ATXN7L1: variants seen among roughly 807,000 people sequenced by gnomAD.
ATXN7L1 encodes ataxin-7-like protein 1.
ATXN7L1 carries 15 observed loss-of-function variants against 70.8 expected under a neutral mutation model. That is an observed-to-expected ratio of 0.21 (90% CI 0.14 to 0.33). The LOEUF (loss-of-function observed/expected upper bound fraction) is 0.33, where lower values mean the gene tolerates loss of function less well. Ranked by LOEUF, ATXN7L1 falls within the 10% of genes least tolerant of loss-of-function variation. ATXN7L1 has a pLI of 1.00. For missense variants in ATXN7L1, 975 were observed against 1,097.1 expected, an observed-to-expected ratio of 0.89 and a Z score of 1.57; for synonymous variants, 440 against 445.1, an observed-to-expected ratio of 0.99 and a Z score of 0.14.
chr7:105,615,107 G>A (rs1372099861), intron 9 of ATXN7L1, among the ~76,000 whole-genome samples: 1 of 152,114 alleles, frequency 6.6e-6, no homozygotes, highest in East Asian at 1.9e-4. Flanking sequence ...AAAGGTCAAT[G>A]TTATTTAGAA....
intron 3 of ATXN7L1, among the ~76,000 whole-genome samples, chr7:105,751,813 C>T (rs540704042): frequency 9.1e-4 from 138 of 152,318 alleles, no homozygotes; most frequent in African/African-American, 3.2e-3. Flanking sequence ...CAGGTGTCCC[C>T]CTGGGGATGT....
At chr7:105,860,643 G>GTTATGAAGA (rs1312543998) in intron 2 of ATXN7L1, among the ~76,000 whole-genome samples, 7 of 152,130 alleles carry the variant, frequency 4.6e-5, no homozygotes, top group Non-Finnish European at 1.0e-4. Context: ...GGTGAAAAGA[G>GTTATGAAGA]TTATGAAGAT....
chr7:105,747,330 G>T (rs1197584016), intron 3 of ATXN7L1, among the ~76,000 whole-genome samples: 1 of 152,144 alleles, frequency 6.6e-6, no homozygotes, highest in Admixed American at 6.5e-5. Flanking sequence ...ACCCAAAAGG[G>T]TTCGGAGAAC....
intron 7 of ATXN7L1, among the ~76,000 whole-genome samples, chr7:105,627,841 GTTTTT>G (rs36028028): frequency 1.2e-5 from 1 of 86,452 alleles, no homozygotes; most frequent in South Asian, 4.3e-4. Flanking sequence ...CCTGTCTTTA[GTTTTT>G]TTTTTTTTTT....
chr7:105,876,386 C>T lies in ATXN7L1; in HGVS notation c.173G>A (p.Cys58Tyr). ...GGTGGTGGGGTTCTTACTGTCGGAG[C>T]AGTGTAATTTGGCGGCGTCGATCCA... ...SSWIDAAKLH[C>Y]SDNVDLEEAG... Residue 58 changes from cysteine (C) to tyrosine (Y), a missense_variant, in exon 1 of 12, where the codon TGC (cysteine) becomes TAC (tyrosine). Physicochemically the swap from Cys to Tyr is radical, Grantham distance 194 (BLOSUM62 -2). Around this residue, in one of 5 missense-constraint regions of ATXN7L1, gnomAD observed 135 missense variants for 132.6 expected, o/e 1.02. Coordinates refer to ENST00000419735, the MANE Select transcript of ATXN7L1 (RefSeq NM_020725.2). 2 of 1,606,466 alleles carry T rather than the reference C, an allele frequency of 1.2e-6. No homozygotes were observed. The highest frequency in any genetic ancestry group is 1.7e-6 in the Non-Finnish European group (2 of 1,176,092).
rs796172684 is a variant in ATXN7L1 at position 105,733,551 on chromosome 7, C to T, written c.355+55053G>A. ...CCATCCATCCATCCACCCATCCATC[C>T]ATCCACCCATCCATCCTTCCATCCA... On this transcript the variant is annotated intron_variant, in intron 3 of 11. Coordinates refer to ENST00000419735, the MANE Select transcript of ATXN7L1 (RefSeq NM_020725.2). Among the ~76,000 whole-genome samples the T allele has an allele frequency of 1.5e-4, 20 of 130,870 alleles. 1 individual carries two copies. The South Asian group carries it at 5.1e-3, about 33-fold the overall frequency. The allele number at this position is 130,870 out of a possible 152,430, so 85.9% of individuals were successfully genotyped here.
intron 9 of ATXN7L1, among the ~76,000 whole-genome samples, chr7:105,619,165 T>TTTTTTTTTTTTTA (rs869296716): frequency 7.1e-6 from 1 of 140,614 alleles, no homozygotes; most frequent in Non-Finnish European, 1.5e-5. Flanking sequence ...TTTTTTTTTT[T>TTTTTTTTTTTTTA]GAGACGGAGT....
At chr7:105,851,811 C>T (rs1406784756) in intron 2 of ATXN7L1, among the ~76,000 whole-genome samples, 3 of 152,186 alleles carry the variant, frequency 2.0e-5, no homozygotes, top group East Asian at 1.9e-4. Flanking sequence ...ACACAAAACA[C>T]GCCCTCACAC....
At chr7:105,742,972 T>A (rs1200986067) in intron 3 of ATXN7L1, among the ~76,000 whole-genome samples, 2 of 151,976 alleles carry the variant, frequency 1.3e-5, no homozygotes, top group South Asian at 2.1e-4. Flanking sequence ...CCAGTCCTTA[T>A]CTCCCCAGCC....
In ATXN7L1 at chr7:105,614,941, T is replaced by C; in HGVS notation, c.1518-125A>G. On this transcript the variant is annotated intron_variant, in intron 9 of 11. Coordinates refer to ENST00000419735, the MANE Select transcript of ATXN7L1 (RefSeq NM_020725.2). The surrounding 1 kb of genome is among the most constrained non-coding windows in gnomAD (Gnocchi z 4.3). ...CCCGGCAGAACCAGACTATGGAGAA[T>C]GGAGCCTTGAAGGATGGGAGAATCT... The C allele has an allele frequency of 8.5e-7, 1 of 1,176,840 alleles. No homozygotes were observed. Among genetic ancestry groups the C allele is most frequent in the South Asian group, 1.8e-5 (1 of 56,540 alleles). The allele number at this position is 1,176,840 out of a possible 1,614,324, so 72.9% of individuals were successfully genotyped here. A position where few individuals can be genotyped will look rare whatever the true frequency, so the allele number is the denominator to read the frequency against.
At chr7:105,823,794 A>T (rs572284787) in intron 2 of ATXN7L1, among the ~76,000 whole-genome samples, 1 of 152,308 alleles carries the variant, frequency 6.6e-6, no homozygotes, top group East Asian at 1.9e-4. Flanking sequence ...AGAGTGGAGG[A>T]AACAGTGATC....
In ATXN7L1 at chr7:105,614,333, C is replaced by T. The variant is rs746957168; in HGVS notation, c.2001G>A (p.Ser667=). 8.6e-5 allele frequency: 133 copies of T among 1,552,006 alleles called. No individual in the cohort carries two copies. Among genetic ancestry groups the T allele is most frequent in the Non-Finnish European group, 1.1e-4 (122 of 1,147,128 alleles). Residue 667 remains serine, a synonymous_variant, in exon 10 of 12, where the codon TCG becomes TCA. Transcript: ENST00000419735. This position sits in a 1 kb window ranked among gnomAD's most constrained non-coding sequence, Gnocchi z 4.3. ...TTTTGTGAGGCCCTGACAGTGGAGACGAGAGGGATGTCTGCAAGGAAGAGG... is the reference window on the plus strand; with the variant it reads ...TTTTGTGAGGCCCTGACAGTGGAGATGAGAGGGATGTCTGCAAGGAAGAGG... The part of the protein sequence containing the change: ...SSSSSLQTSL[S]SPLSGPHKKN...
At chr7:105,685,726 G>A (rs1424789205) in intron 3 of ATXN7L1, among the ~76,000 whole-genome samples, 1 of 152,132 alleles carries the variant, frequency 6.6e-6, no homozygotes, top group African/African-American at 2.4e-5. Flanking sequence ...GCTCCCCTAC[G>A]GCTTGACCCC....
chr7:105,643,834 C>T (rs867645039), intron 4 of ATXN7L1, among the ~76,000 whole-genome samples: 3 of 152,264 alleles, frequency 2.0e-5, no homozygotes, highest in African/African-American at 4.8e-5. Context: ...GTGTGCTTCA[C>T]TCTTCAGAAT....
intron 2 of ATXN7L1, among the ~76,000 whole-genome samples, chr7:105,863,125 T>C (rs371682102): frequency 6.6e-6 from 1 of 152,196 alleles, no homozygotes; most frequent in African/African-American, 2.4e-5. Flanking sequence ...AACAGCGGCC[T>C]AGAAGATGTT....
At chr7:105,814,371 TGAA>T (rs1332760084) in intron 2 of ATXN7L1, among the ~76,000 whole-genome samples, 6 of 152,192 alleles carry the variant, frequency 3.9e-5, no homozygotes, top group Admixed American at 2.6e-4. Context: ...ATGATGATGA[TGAA>T]GATGTTGAAG....
intron 3 of ATXN7L1, among the ~76,000 whole-genome samples, chr7:105,782,336 A>G: frequency 6.6e-6 from 1 of 152,200 alleles, no homozygotes; most frequent in East Asian, 1.9e-4. Flanking sequence ...AAGCTTATCC[A>G]TTCACCTAAG....
intron 10 of ATXN7L1, among the ~76,000 whole-genome samples, chr7:105,611,823 G>A (rs897441966): frequency 2.0e-5 from 3 of 152,190 alleles, no homozygotes; most frequent in Non-Finnish European, 2.9e-5. Flanking sequence ...CCCCGACCCC[G>A]ATCTCCTAGC....
chr7:105,701,324 C>T (rs535651776), intron 3 of ATXN7L1, among the ~76,000 whole-genome samples: 1 of 152,126 alleles, frequency 6.6e-6, no homozygotes, highest in East Asian at 1.9e-4. Context: ...TGTTTCAAAG[C>T]AATGTCTATA....
Sources: allele counts gnomAD v4.1 joint callset (sites outside exome capture counted in the v4.1 genomes callset), GRCh38; gene constraint gnomAD v4.1.1; regional missense constraint gnomAD v4.1.1; non-coding constraint Gnocchi (gnomAD v3.1); transcripts MANE v1.5; gene names NCBI Gene and HGNC (gene_info 2026-07-23, HGNC 2026-07-21).